CFAP68: variants seen among roughly 807,000 people sequenced by gnomAD.
CFAP68 encodes the protein cilia and flagella associated protein 68.
chr11:111,883,621 A>G, the CFAP68 span: 1 of 640,602 alleles, frequency 1.6e-6, no homozygotes, highest in South Asian at 1.9e-5. Flanking sequence ...AAAGGTGAAT[A>G]ACTACATGAA....
At chr11:111,880,231 G>C in the CFAP68 span, among the ~76,000 whole-genome samples, 41,762 of 151,914 alleles carry the variant, frequency 0.27, 5,967 homozygotes, top group Admixed American at 0.35. Flanking sequence ...CCTGGAGTGT[G>C]TGTTGTTTCC....
At chr11:111,883,574 C>T in the CFAP68 span, among the ~76,000 whole-genome samples, 1 of 149,048 alleles carries the variant, frequency 6.7e-6, no homozygotes, top group African/African-American at 2.5e-5. Context: ...GCCTGGGTGA[C>T]AGAGTGAGAC....
the CFAP68 span, chr11:111,881,703 A>T: frequency 3.6e-6 from 5 of 1,397,112 alleles, no homozygotes; most frequent in South Asian, 1.5e-5. Flanking sequence ...AAATGAAATC[A>T]GACATTGATC....
At chr11:111,879,620 TA>T in the CFAP68 span, 1 of 1,609,594 alleles carries the variant, frequency 6.2e-7, no homozygotes, top group Non-Finnish European at 8.5e-7. Flanking sequence ...TTAAATCTCC[TA>T]TCTTCTATTC....
At chr11:111,882,658 T>C in the CFAP68 span, 2 of 1,397,340 alleles carry the variant, frequency 1.4e-6, no homozygotes, top group East Asian at 4.7e-5. Context: ...AGAAATGTAG[T>C]GGCCATTTGA....
the CFAP68 span, chr11:111,881,609 A>C: frequency 6.5e-7 from 1 of 1,534,412 alleles, no homozygotes; most frequent in Non-Finnish European, 8.7e-7. Flanking sequence ...ACTCTTCTTC[A>C]GGAAAGGTAT....
At chr11:111,881,649 C>T in the CFAP68 span, 10 of 1,489,806 alleles carry the variant, frequency 6.7e-6, no homozygotes, top group African/African-American at 1.3e-4. Flanking sequence ...GCCAGACTCA[C>T]ATTTTGGGGA....
At chr11:111,881,723 A>G in the CFAP68 span, 1 of 1,263,282 alleles carries the variant, frequency 7.9e-7, no homozygotes, top group Non-Finnish European at 1.1e-6. Context: ...CATCTGGTAT[A>G]TGCAATCCAG....
At chr11:111,879,915 G>C in the CFAP68 span, among the ~76,000 whole-genome samples, 2 of 152,194 alleles carry the variant, frequency 1.3e-5, no homozygotes, top group Non-Finnish European at 2.9e-5. Flanking sequence ...GAGTCAAGAG[G>C]CGTGAAGAGG....
chr11:111,880,232 T>G, the CFAP68 span, among the ~76,000 whole-genome samples: 1 of 152,004 alleles, frequency 6.6e-6, no homozygotes, highest in East Asian at 1.9e-4. Context: ...CTGGAGTGTG[T>G]GTTGTTTCCA....
chr11:111,883,342 C>A, the CFAP68 span: 3 of 717,382 alleles, frequency 4.2e-6, no homozygotes, highest in South Asian at 5.5e-5. Context: ...GTAACCCCAG[C>A]ACTTTGTGAG....
the CFAP68 span, chr11:111,882,716 G>T: frequency 2.0e-6 from 2 of 976,272 alleles, no homozygotes; most frequent in Non-Finnish European, 3.0e-6. Flanking sequence ...TCAGTTTTCA[G>T]TGAAGTGGTT....
At chr11:111,883,636 T>G in the CFAP68 span, 1 of 674,436 alleles carries the variant, frequency 1.5e-6, no homozygotes, top group Non-Finnish European at 2.6e-6. Context: ...CATGAATGAG[T>G]AAACAGGATT....
At chr11:111,883,890 C>A in the CFAP68 span, 2 of 1,531,904 alleles carry the variant, frequency 1.3e-6, no homozygotes, top group South Asian at 1.1e-5. Flanking sequence ...AATTGGGCAT[C>A]ACTCAGGATG....
chr11:111,883,850 A>C, the CFAP68 span: 451,046 of 1,609,010 alleles, frequency 0.28, 64,392 homozygotes, highest in Middle Eastern at 0.32. Flanking sequence ...CAGAAAAGTC[A>C]ACTTACATGA....
chr11:111,882,837 C>T, the CFAP68 span, among the ~76,000 whole-genome samples: 1 of 152,180 alleles, frequency 6.6e-6, no homozygotes, highest in East Asian at 1.9e-4. Flanking sequence ...TTTTCTCTTA[C>T]TTCTGTTTGG....
chr11:111,883,932 A>G, the CFAP68 span: 2 of 1,279,634 alleles, frequency 1.6e-6, no homozygotes, highest in South Asian at 2.5e-5. Context: ...CTAGTTTCAC[A>G]TCCAGGTTTC....
At chr11:111,880,974 G>T in the CFAP68 span, 1 of 353,330 alleles carries the variant, frequency 2.8e-6, no homozygotes, top group African/African-American at 2.1e-5. Flanking sequence ...AGAAAGGTTT[G>T]GAGAGGAACA....
the CFAP68 span, chr11:111,885,327 T>TTA: frequency 6.6e-6 from 1 of 152,070 alleles, no homozygotes; most frequent in African/African-American, 2.4e-5. Flanking sequence ...AAAAAAATTT[T>TTA]TTTAAAGATT....
Sources: gnomAD v4.1 joint callset for allele counts (sites outside exome capture counted in the v4.1 genomes callset) on GRCh38, gnomAD v4.1.1 for gene constraint, MANE v1.5 for transcripts, NCBI Gene and HGNC (gene_info 2026-07-23, HGNC 2026-07-21) for gene names.